CNTNAP5: variants seen among roughly 807,000 people sequenced by gnomAD.
CNTNAP5 encodes contactin-associated protein-like 5.
Under a neutral mutation model 150.2 loss-of-function variants are expected in CNTNAP5, and 72 were observed. The ratio of observed to expected loss-of-function variants is 0.48; its 90% CI spans 0.40 to 0.58. CNTNAP5 has a LOEUF of 0.58. CNTNAP5 is among the 20% of genes least tolerant of loss of function. The pLI, the probability that CNTNAP5 is intolerant of heterozygous loss-of-function variation, is 0.00. For synonymous variants in CNTNAP5, 672 were observed against 619.8 expected (o/e 1.08, Z -1.25); for missense variants, 1,636 against 1,626.2 (o/e 1.01, Z -0.10).
chr2:124,619,907 T>TTATATATATA (rs1677575371), intron 12 of CNTNAP5, among the ~76,000 whole-genome samples: 1 of 70,636 alleles, frequency 1.4e-5, no homozygotes, highest in African/African-American at 7.1e-5. Flanking sequence ...ACTGTCTCAT[T>TTATATATATA]CATATATATA....
At chr2:124,739,241 C>A (rs1054985340) in intron 13 of CNTNAP5, among the ~76,000 whole-genome samples, 2 of 152,092 alleles carry the variant, frequency 1.3e-5, no homozygotes, top group Non-Finnish European at 2.9e-5. Context: ...CACGGACTAG[C>A]CCTTAATCAC....
chr2:124,305,562 G>T (rs1474698801), intron 3 of CNTNAP5, among the ~76,000 whole-genome samples: 1 of 152,156 alleles, frequency 6.6e-6, no homozygotes, highest in Non-Finnish European at 1.5e-5. Flanking sequence ...TAAAGTTCAA[G>T]TGTTGGAAAC....
intron 7 of CNTNAP5, among the ~76,000 whole-genome samples, chr2:124,489,098 G>A (rs1693959807): frequency 6.6e-6 from 1 of 152,174 alleles, no homozygotes; most frequent in Non-Finnish European, 1.5e-5. Flanking sequence ...TGCTTTCCAT[G>A]ATTGAGAATT....
At chr2:124,400,799 C>G (rs1231345570) in intron 3 of CNTNAP5, among the ~76,000 whole-genome samples, 1 of 150,172 alleles carries the variant, frequency 6.7e-6, no homozygotes, top group Non-Finnish European at 1.5e-5. Context: ...GGTGTTATCT[C>G]TCAGTGCAGA....
intron 1 of CNTNAP5, among the ~76,000 whole-genome samples, chr2:124,146,321 C>A (rs1319006374): frequency 6.6e-6 from 1 of 152,268 alleles, no homozygotes; most frequent in East Asian, 1.9e-4. Flanking sequence ...ACCCTCCCTT[C>A]CCAAATTTCC....
chr2:124,690,861 T>C (rs1055348334), intron 13 of CNTNAP5, among the ~76,000 whole-genome samples: 5 of 152,118 alleles, frequency 3.3e-5, no homozygotes, highest in Non-Finnish European at 5.9e-5. Context: ...AAATTTATCA[T>C]GTCTTAGTGT....
chr2:124,612,141 G>A (rs1160342168), intron 12 of CNTNAP5, among the ~76,000 whole-genome samples: 1 of 152,082 alleles, frequency 6.6e-6, no homozygotes, highest in Non-Finnish European at 1.5e-5. Context: ...AACAATAATT[G>A]AAGAAATTTT....
intron 10 of CNTNAP5, among the ~76,000 whole-genome samples, chr2:124,556,249 AC>A (rs1695753047): frequency 6.6e-6 from 1 of 152,074 alleles, no homozygotes; most frequent in African/African-American, 2.4e-5. Context: ...CAAGTTATTC[AC>A]CCTCATCTAG....
intron 1 of CNTNAP5, among the ~76,000 whole-genome samples, chr2:124,167,927 A>G (rs1176115423): frequency 1.3e-5 from 2 of 152,172 alleles, no homozygotes; most frequent in African/African-American, 4.8e-5. Context: ...AAGGAAATGT[A>G]GGGAGGAAGA....
At chr2:124,058,862 AGCAAGT>A (rs1427862236) in intron 1 of CNTNAP5, among the ~76,000 whole-genome samples, 1 of 152,134 alleles carries the variant, frequency 6.6e-6, no homozygotes, top group Non-Finnish European at 1.5e-5. Context: ...GCTACATCTG[AGCAAGT>A]GCTTTTTCAA....
intron 1 of CNTNAP5, among the ~76,000 whole-genome samples, chr2:124,196,797 G>C (rs981889417): frequency 1.3e-5 from 2 of 152,152 alleles, no homozygotes; most frequent in Admixed American, 6.5e-5. Context: ...CAGGATCCCT[G>C]TCTCAAAAGT....
chr2:124,212,938 A>T (rs1012699256), intron 1 of CNTNAP5, among the ~76,000 whole-genome samples: 4 of 138,038 alleles, frequency 2.9e-5, no homozygotes, highest in Non-Finnish European at 1.5e-5. Flanking sequence ...TGCCGGATTC[A>T]TGCCATTCTC....
chr2:124,665,898 A>AT (rs1450243983), intron 13 of CNTNAP5, among the ~76,000 whole-genome samples: 1 of 151,616 alleles, frequency 6.6e-6, no homozygotes, highest in Non-Finnish European at 1.5e-5. Context: ...AAAAAAAAAA[A>AT]ATTATACATA....
chr2:124,446,884 A>C lies in CNTNAP5; in HGVS notation c.865A>C (p.Thr289Pro). 6.2e-7 allele frequency: 1 copy of C among 1,613,978 alleles called. No homozygotes were observed. Among genetic ancestry groups the C allele is most frequent in the African/African-American group, 1.3e-5 (1 of 75,044 alleles). The stretch of plus-strand genomic sequence containing the variant: ...GGTGAACTTCACGGTGGACAAGCAC[A>C]CACAGCACTTCCGCACCAAGGGCGA... The part of the protein sequence containing the change: ...KQVNFTVDKH[T>P]QHFRTKGETD... The change falls in exon 6 of 24, where the codon ACA becomes CCA. Residue 289 changes from threonine (T) to proline (P), a missense_variant. By Grantham distance (38) the Thr-to-Pro change is conservative. Transcript: ENST00000682447.
chr2:124,285,559 G>A (rs1178924846), intron 3 of CNTNAP5, among the ~76,000 whole-genome samples: 1 of 152,036 alleles, frequency 6.6e-6, no homozygotes, highest in African/African-American at 2.4e-5. Flanking sequence ...CAACAATTTG[G>A]GAAGCCGAAG....
intron 1 of CNTNAP5, among the ~76,000 whole-genome samples, chr2:124,036,764 A>T (rs10209064): frequency 0.36 from 55,314 of 152,010 alleles, 10,203 homozygotes; most frequent in East Asian, 0.5. Flanking sequence ...AACAGTCCTA[A>T]GAGACAGTTG....
At chr2:124,516,365 A>G (rs1392762503) in intron 8 of CNTNAP5, among the ~76,000 whole-genome samples, 4 of 152,212 alleles carry the variant, frequency 2.6e-5, no homozygotes, top group East Asian at 1.9e-4. Context: ...AAGAGCATGT[A>G]TGAGAGGACA....
intron 1 of CNTNAP5, among the ~76,000 whole-genome samples, chr2:124,146,971 G>T (rs4556981): frequency 0.43 from 65,964 of 151,944 alleles, 14,693 homozygotes; most frequent in Admixed American, 0.53. Flanking sequence ...GGCTGGGGTT[G>T]GGGGGAGACA....
chr2:124,493,138 T>C (rs1694069746), intron 7 of CNTNAP5, among the ~76,000 whole-genome samples: 1 of 152,074 alleles, frequency 6.6e-6, no homozygotes, highest in Non-Finnish European at 1.5e-5. Flanking sequence ...TATGTTGAGA[T>C]ACATTCCTTC....
Sources: allele counts gnomAD v4.1 joint callset (sites outside exome capture counted in the v4.1 genomes callset), GRCh38; gene constraint gnomAD v4.1.1; transcripts MANE v1.5; gene names NCBI Gene and HGNC (gene_info 2026-07-23, HGNC 2026-07-21).